The following MATR3 variants were observed in gnomAD, a reference collection of about 807,000 sequenced individuals.
MATR3 encodes the protein matrin 3.
In MATR3, 4 loss-of-function variants were observed where a neutral mutation model predicts 85.5. The ratio of observed to expected loss-of-function variants is 0.05; its 90% CI spans 0.02 to 0.11. The LOEUF is 0.11. Ranked by LOEUF, MATR3 falls within the 10% of genes least tolerant of loss-of-function variation. The probability of loss-of-function intolerance (pLI) is 1.00; values close to 1 mark genes in which losing one functional copy is unlikely to be tolerated. For synonymous variants in MATR3, 336 were observed against 343.1 expected (o/e 0.98, Z 0.23); for missense variants, 685 against 1,016.1 (o/e 0.67, Z 4.43).
In MATR3 at chr5:139,296,868, T is replaced by TCTGCAA. The variant is rs527519741; in HGVS notation, c.-178+3066_-178+3067insCAACTG. ...AATTACAGTACAGCTATCCCACACT[T>TCTGCAA]CTGGCAACAGGTTCTAAAAGTGGAT... On this transcript the variant is annotated intron_variant, in intron 1 of 14. Transcript: ENST00000394805. 9.2e-5 allele frequency among the ~76,000 whole-genome samples: 14 copies of TCTGCAA among 152,354 alleles called. No homozygotes were observed. The East Asian group carries it at 2.5e-3, about 27-fold the overall frequency.
At chr5:139,320,348 T>C (rs936582064) in intron 9 of MATR3, among the ~76,000 whole-genome samples, 4 of 152,082 alleles carry the variant, frequency 2.6e-5, no homozygotes, top group Non-Finnish European at 5.9e-5. Flanking sequence ...CATTGGCTCA[T>C]GCCTGTAAAT....
chr5:139,294,469 CCA>C (rs1191703552), intron 1 of MATR3: 1 of 155,834 alleles, frequency 6.4e-6, no homozygotes, highest in South Asian at 2.1e-4. Context: ...GACTCCCGGC[CCA>C]CACGCGCGCG....
chr5:139,322,932 A>C lies in MATR3; in HGVS notation c.2113A>C (p.Ser705Arg), dbSNP rs772009947. 1 of 1,614,056 alleles carries C rather than the reference A, an allele frequency of 6.2e-7. No individual in the cohort carries two copies. Among genetic ancestry groups the C allele is most frequent in the East Asian group, 2.2e-5 (1 of 44,884 alleles). ...AGATAAAGCTGTGAAAAAAGATGGA[A>C]GTGCTTCAGCAGCAGCAAAGAAAAA... ...PSDKAVKKDG[S>R]ASAAAKKKLK... is the part of the protein sequence containing the mutation. The change falls in exon 12 of 15, where the codon AGT (serine) becomes CGT (arginine). Residue 705 changes from serine (S) to arginine (R), a missense_variant. By Grantham distance (110) the Ser-to-Arg change is moderately radical (BLOSUM62 -1). This residue lies in a region of MATR3 where 215 missense variants were observed against 194.7 expected (regional missense o/e 1.10). Coordinates refer to ENST00000394805, the MANE Select transcript of MATR3 (RefSeq NM_018834.6).
chr5:139,310,002 C>T (rs1220772272), intron 2 of MATR3: 1 of 152,124 alleles, frequency 6.6e-6, no homozygotes, highest in Non-Finnish European at 1.5e-5. Flanking sequence ...CTTAAAAAAT[C>T]TTCGCTACTG....
At chr5:139,305,203 T>C (rs1754646294) in intron 1 of MATR3, among the ~76,000 whole-genome samples, 2 of 152,204 alleles carry the variant, frequency 1.3e-5, no homozygotes, top group Non-Finnish European at 1.5e-5. Context: ...TTTTCTGACA[T>C]TCATTTTCTG....
chr5:139,288,006 TTC>T (rs1753758402), intron 3 of MATR3, among the ~76,000 whole-genome samples: 1 of 151,718 alleles, frequency 6.6e-6, no homozygotes, highest in South Asian at 2.1e-4. Context: ...AGCCCAGGAG[TTC>T]GACACCAGCC....
At chr5:139,313,117 C>T (rs1211872218) in intron 2 of MATR3, 1 of 149,790 alleles carries the variant, frequency 6.7e-6, no homozygotes, top group Admixed American at 6.7e-5. Context: ...TACCTTGGTA[C>T]CTTACTCTAA....
chr5:139,287,741 C>T (rs866763491), intron 3 of MATR3, among the ~76,000 whole-genome samples: 50 of 152,298 alleles, frequency 3.3e-4, no homozygotes, highest in African/African-American at 1.1e-3. Flanking sequence ...ACACCCACTC[C>T]CACACCCAAA....
In MATR3 at chr5:139,315,706, A is replaced by G. The variant is rs1561937944; in HGVS notation, c.984A>G (p.Glu328=). Residue 328 remains glutamate, a synonymous_variant, in exon 4 of 15, where the codon GAA becomes GAG. Coordinates refer to ENST00000394805, the MANE Select transcript of MATR3 (RefSeq NM_018834.6). Reference sequence around the variant, plus strand: ...TCTGGTCTTTTTAAAGCTACCCAGAATGGAATCCTGACAATGATACAGGAC... The same window carrying G: ...TCTGGTCTTTTTAAAGCTACCCAGAGTGGAATCCTGACAATGATACAGGAC... ...RCQLLLEIYP[E]WNPDNDTGHT... The G allele has an allele frequency of 6.2e-7, 1 of 1,611,320 alleles. No individual in the cohort carries two copies. The highest frequency in any genetic ancestry group is 1.7e-5 in the Admixed American group (1 of 59,996).
At position 139,330,935 on chromosome 5, in the gene MATR3, C is replaced by G. The variant is rs1369004265; in HGVS notation, c.*1540C>G. 8.8e-6 allele frequency: 4 copies of G among 453,892 alleles called. No homozygotes were observed. In the Admixed American group the frequency reaches 9.4e-5, roughly 11 times the overall value. 28.1% of individuals were successfully genotyped at this position (453,892 alleles called of 1,614,324 possible). A position where few individuals can be genotyped will look rare whatever the true frequency, so the allele number is the denominator to read the frequency against. The stretch of plus-strand genomic sequence containing the variant: ...TCTCCTGAGTAGCTGGGACTACAGG[C>G]TCATGCCACTATACCTGGCTAGTTT... On this transcript the variant is annotated 3_prime_UTR_variant, in exon 15 of 15. Coordinates refer to ENST00000394805, the MANE Select transcript of MATR3 (RefSeq NM_018834.6).
At chr5:139,315,453 AACTTAATTTC>A (rs1185644183) in intron 3 of MATR3, 3 of 440,396 alleles carry the variant, frequency 6.8e-6, no homozygotes, top group African/African-American at 6.1e-5. Flanking sequence ...ATAGAGGAAA[AACTTAATTTC>A]AACATTATCT....
intron 1 of MATR3, among the ~76,000 whole-genome samples, chr5:139,275,132 C>T (rs1434570181): frequency 2.1e-5 from 3 of 143,342 alleles, no homozygotes; most frequent in East Asian, 2.1e-4. Flanking sequence ...CCCGCCACCA[C>T]GCCCGGCTAA....
intron 1 of MATR3, among the ~76,000 whole-genome samples, chr5:139,294,266 T>C (rs938810978): frequency 6.6e-6 from 1 of 152,076 alleles, no homozygotes; most frequent in Non-Finnish European, 1.5e-5. Flanking sequence ...AGGAGGATGG[T>C]TAAGATATCT....
chr5:139,295,202 T>G (rs1754082287), intron 1 of MATR3, among the ~76,000 whole-genome samples: 1 of 152,266 alleles, frequency 6.6e-6, no homozygotes, highest in African/African-American at 2.4e-5. Context: ...CTCAGTCATC[T>G]ACGCAGTCTA....
chr5:139,294,021 C>T (rs1186027208), intron 1 of MATR3: 33 of 1,282,288 alleles, frequency 2.6e-5, no homozygotes, highest in Non-Finnish European at 3.1e-5. Context: ...CCTTCTAGGG[C>T]GGCGGAGGTG....
At chr5:139,306,692 C>T (rs909881991) in intron 1 of MATR3, among the ~76,000 whole-genome samples, 4 of 152,142 alleles carry the variant, frequency 2.6e-5, no homozygotes, top group Non-Finnish European at 4.4e-5. Flanking sequence ...ATTGATTTTG[C>T]TGTATAAAGG....
At chr5:139,304,849 C>T (rs1754628782) in intron 1 of MATR3, among the ~76,000 whole-genome samples, 1 of 152,150 alleles carries the variant, frequency 6.6e-6, no homozygotes, top group South Asian at 2.1e-4. Flanking sequence ...GCTGCCTTTG[C>T]TAATAGGCAG....
chr5:139,324,193 G>A (rs1443627676), intron 12 of MATR3, among the ~76,000 whole-genome samples: 1 of 151,792 alleles, frequency 6.6e-6, no homozygotes, highest in East Asian at 1.9e-4. Flanking sequence ...CCATAAATGA[G>A]GAAAATTGAA....
At position 139,322,690 on chromosome 5, in the gene MATR3, G is replaced by T. The variant is rs762774985; in HGVS notation, c.1871G>T (p.Gly624Val). 1.2e-6 allele frequency: 2 copies of T among 1,614,012 alleles called. No individual in the cohort carries two copies. The highest frequency in any genetic ancestry group is 1.7e-6 in the Non-Finnish European group (2 of 1,179,890). ...GSQKTESSTE[G>V]KEQEEKSGED... ...CAGAAGACTGAGAGTTCAACCGAAGGTAAAGAACAAGAAGAGAAGTCCGGT... is the reference window on the plus strand; with the variant it reads ...CAGAAGACTGAGAGTTCAACCGAAGTTAAAGAACAAGAAGAGAAGTCCGGT... The change falls in exon 12 of 15, where the codon GGT becomes GTT. Residue 624 changes from glycine to valine, a missense_variant. Gly to Val is a moderately radical substitution (Grantham distance 109). Coordinates refer to ENST00000394805, the MANE Select transcript of MATR3 (RefSeq NM_018834.6).
Sources: allele counts gnomAD v4.1 joint callset (sites outside exome capture counted in the v4.1 genomes callset), GRCh38; gene constraint gnomAD v4.1.1; regional missense constraint gnomAD v4.1.1; transcripts MANE v1.5; gene names NCBI Gene and HGNC (gene_info 2026-07-23, HGNC 2026-07-21).